Variants in THSD7B observed in about 807,000 individuals in gnomAD.
THSD7B encodes thrombospondin type 1 domain containing 7B.
THSD7B carries 138 observed loss-of-function variants against 213.6 expected under a neutral mutation model. The ratio of observed to expected loss-of-function variants is 0.65; its 90% confidence interval spans 0.56 to 0.74. The LOEUF (loss-of-function observed/expected upper bound fraction) is 0.74, where lower values mean the gene tolerates loss of function less well. Ranked by LOEUF, THSD7B falls within the 30% of genes least tolerant of loss-of-function variation. The probability of loss-of-function intolerance (pLI) is 0.00; values close to 1 mark genes in which losing one functional copy is unlikely to be tolerated. For synonymous variants in THSD7B, 742 were observed against 687.0 expected, an observed-to-expected ratio of 1.08 and a Z score of -1.25; for missense variants, 1,931 against 1,991.5, an observed-to-expected ratio of 0.97 and a Z score of 0.58.
rs556344010 is a variant in THSD7B at position 136,925,006 on chromosome 2, C to T, written c.139+42689C>T. Among the ~76,000 whole-genome samples the T allele has an allele frequency of 1.7e-4, 26 of 152,220 alleles. No homozygotes were observed. In the East Asian group the frequency reaches 5.0e-3, roughly 29 times the overall value. On this transcript the variant is annotated intron_variant, in intron 2 of 27. Coordinates refer to ENST00000409968, the MANE Select transcript of THSD7B (RefSeq NM_001316349.2). Reference sequence around the variant, plus strand: ...TAAATAGAAATGCAACTGAATTTTGCATGTTGATTTTGTATCCTGCAACTT... The same window carrying T: ...TAAATAGAAATGCAACTGAATTTTGTATGTTGATTTTGTATCCTGCAACTT...
intron 2 of THSD7B, among the ~76,000 whole-genome samples, chr2:136,934,220 A>T (rs1187524552): frequency 6.6e-6 from 1 of 152,196 alleles, no homozygotes; most frequent in African/African-American, 2.4e-5. Context: ...GCTTTCCAAA[A>T]ATAGGTAATC....
At chr2:136,962,805 G>C (rs559624845) in intron 2 of THSD7B, among the ~76,000 whole-genome samples, 46 of 152,224 alleles carry the variant, frequency 3.0e-4, no homozygotes, top group African/African-American at 1.0e-3. Context: ...AAAGATAAGT[G>C]ATCTATTACT....
intron 17 of THSD7B, among the ~76,000 whole-genome samples, chr2:137,580,074 T>C (rs752167367): frequency 6.6e-6 from 1 of 152,186 alleles, no homozygotes; most frequent in Non-Finnish European, 1.5e-5. Flanking sequence ...AAAGATATGT[T>C]TCTAATATTT....
intron 5 of THSD7B, among the ~76,000 whole-genome samples, chr2:137,155,616 A>G (rs554084158): frequency 5.5e-4 from 84 of 152,274 alleles, no homozygotes; most frequent in African/African-American, 1.9e-3. Context: ...GGATAAATGT[A>G]TTTCAATATG....
chr2:137,557,218 C>A (rs983992806), intron 15 of THSD7B, among the ~76,000 whole-genome samples: 11 of 152,166 alleles, frequency 7.2e-5, no homozygotes, highest in Non-Finnish European at 1.5e-4. Context: ...GAACTCTCCA[C>A]CCCAAATCAA....
intron 12 of THSD7B, among the ~76,000 whole-genome samples, chr2:137,393,429 C>T (rs911534381): frequency 1.5e-4 from 22 of 149,080 alleles, no homozygotes; most frequent in African/African-American, 4.7e-4. Context: ...TTTGTTCTTA[C>T]GATAGTTTAC....
chr2:137,648,161 A>G (rs1683072529), intron 21 of THSD7B, among the ~76,000 whole-genome samples: 1 of 152,190 alleles, frequency 6.6e-6, no homozygotes, highest in Admixed American at 6.5e-5. Context: ...ATATTCATAT[A>G]ATTCGTAAAT....
intron 2 of THSD7B, among the ~76,000 whole-genome samples, chr2:137,052,473 T>A (rs1687086485): frequency 6.6e-6 from 1 of 152,114 alleles, no homozygotes; most frequent in Non-Finnish European, 1.5e-5. Context: ...CATATAAAAA[T>A]TCTTGACATT....
At chr2:137,309,041 A>G (rs1207182547) in intron 12 of THSD7B, among the ~76,000 whole-genome samples, 5 of 152,132 alleles carry the variant, frequency 3.3e-5, no homozygotes, top group Non-Finnish European at 7.4e-5. Context: ...AAAGAGCAGG[A>G]ATCTATAAAG....
At chr2:137,233,244 G>A in intron 9 of THSD7B, 111 bp downstream of exon 9, 2 of 1,000,914 alleles carry the variant, frequency 2.0e-6, no homozygotes, top group Non-Finnish European at 2.9e-6. Context: ...TAGAGTAAGA[G>A]GGTTTGTTGT....
intron 16 of THSD7B, among the ~76,000 whole-genome samples, chr2:137,564,342 A>G (rs1423318311): frequency 6.6e-6 from 1 of 152,208 alleles, no homozygotes; most frequent in Non-Finnish European, 1.5e-5. Context: ...TCAATGTTGC[A>G]AAATCACTGG....
At chr2:137,489,384 A>G (rs1688554924) in intron 15 of THSD7B, among the ~76,000 whole-genome samples, 1 of 151,834 alleles carries the variant, frequency 6.6e-6, no homozygotes, top group East Asian at 1.9e-4. Context: ...AGATCGCACC[A>G]TGGCACTCCA....
At chr2:137,443,266 T>C (rs1687458531) in intron 14 of THSD7B, among the ~76,000 whole-genome samples, 1 of 152,154 alleles carries the variant, frequency 6.6e-6, no homozygotes, top group South Asian at 2.1e-4. Flanking sequence ...AAAGATCAGT[T>C]CTTTATAGGA....
At chr2:136,859,777 T>A (rs1683231291) in intron 1 of THSD7B, among the ~76,000 whole-genome samples, 1 of 152,168 alleles carries the variant, frequency 6.6e-6, no homozygotes, top group African/African-American at 2.4e-5. Context: ...AGAAGTAGTA[T>A]AGCCCCAAAA....
At chr2:137,162,758 T>C (rs1680043213) in intron 6 of THSD7B, among the ~76,000 whole-genome samples, 1 of 151,812 alleles carries the variant, frequency 6.6e-6, no homozygotes, top group Non-Finnish European at 1.5e-5. Context: ...TCCTTTCACT[T>C]TCCATTTCCC....
At chr2:137,127,114 A>G (rs1320169745) in intron 5 of THSD7B, among the ~76,000 whole-genome samples, 1 of 152,228 alleles carries the variant, frequency 6.6e-6, no homozygotes, top group Admixed American at 6.5e-5. Flanking sequence ...GCAAAATGTG[A>G]CACAGAATCA....
chr2:137,655,553 A>G lies in THSD7B; in HGVS notation c.3998A>G (p.His1333Arg), dbSNP rs770283354. The G allele has an allele frequency of 6.2e-7, 1 of 1,612,784 alleles. No homozygotes were observed. Among genetic ancestry groups the G allele is most frequent in the South Asian group, 1.1e-5 (1 of 90,666 alleles). The stretch of plus-strand genomic sequence containing the variant: ...ATCCGCAGCCTTTCCTGCATGGTCC[A>G]CAGTGGTTCAATATCTCATGCAGCT... ...VQIRSLSCMV[H>R]SGSISHAAGR... Residue 1333 changes from histidine to arginine, a missense_variant, in exon 22 of 28, where the codon CAC becomes CGC. His to Arg is a conservative substitution (Grantham distance 29, BLOSUM62 0). Transcript: ENST00000409968.
At chr2:137,666,913 C>A (rs1039853049) in intron 26 of THSD7B, among the ~76,000 whole-genome samples, 1 of 151,870 alleles carries the variant, frequency 6.6e-6, no homozygotes, top group African/African-American at 2.4e-5. Flanking sequence ...GATATCAGAT[C>A]CAGAATAATG....
At chr2:137,674,330 G>A (rs895101515) in intron 27 of THSD7B, among the ~76,000 whole-genome samples, 2 of 152,144 alleles carry the variant, frequency 1.3e-5, no homozygotes, top group South Asian at 4.2e-4. Flanking sequence ...AACCAAGAGA[G>A]GTGGGAGGGA....
Sources: gnomAD v4.1 joint callset for allele counts (sites outside exome capture counted in the v4.1 genomes callset) on GRCh38, gnomAD v4.1.1 for gene constraint, MANE v1.5 for transcripts, NCBI Gene and HGNC (gene_info 2026-07-23, HGNC 2026-07-21) for gene names.